Variants in PRKG1 observed in about 807,000 individuals in gnomAD.
PRKG1 encodes the protein cGMP-dependent protein kinase 1.
PRKG1 carries 35 observed loss-of-function variants against 88.1 expected under a neutral mutation model. The ratio of observed to expected loss-of-function variants is 0.40; its 90% CI spans 0.30 to 0.53. The LOEUF (loss-of-function observed/expected upper bound fraction) is 0.53, where lower values mean the gene tolerates loss of function less well. Ranked by LOEUF, PRKG1 falls within the 20% of genes least tolerant of loss-of-function variation. The pLI, the probability that PRKG1 is intolerant of heterozygous loss-of-function variation, is 0.59. For missense variants in PRKG1, 540 were observed against 839.8 expected (o/e 0.64, Z 4.41); for synonymous variants, 303 against 292.5 (o/e 1.04, Z -0.37).
chr10:52,109,154 A>G (rs887437607), intron 7 of PRKG1, among the ~76,000 whole-genome samples: 5 of 152,112 alleles, frequency 3.3e-5, no homozygotes, highest in African/African-American at 1.2e-4. Flanking sequence ...GCATCACCTT[A>G]TACTCTGAAA....
At chr10:51,384,631 T>C (rs2132635263) in intron 2 of PRKG1, among the ~76,000 whole-genome samples, 1 of 152,298 alleles carries the variant, frequency 6.6e-6, no homozygotes, top group African/African-American at 2.4e-5. Context: ...ATTTTTATCG[T>C]GAATCCCTCC....
At chr10:51,415,969 G>A (rs530844799) in intron 2 of PRKG1, among the ~76,000 whole-genome samples, 9 of 150,974 alleles carry the variant, frequency 6.0e-5, no homozygotes, top group African/African-American at 1.7e-4. Context: ...GTGTACACAC[G>A]CACACATATA....
chr10:51,700,354 A>T (rs1841433986), intron 3 of PRKG1, among the ~76,000 whole-genome samples: 1 of 152,198 alleles, frequency 6.6e-6, no homozygotes, highest in Non-Finnish European at 1.5e-5. Flanking sequence ...TTCAATATTA[A>T]TTGGTGATTA....
chr10:51,617,882 C>G (rs544242415), intron 3 of PRKG1, among the ~76,000 whole-genome samples: 5 of 152,204 alleles, frequency 3.3e-5, no homozygotes, highest in African/African-American at 9.6e-5. Flanking sequence ...GGCAAAGCAT[C>G]CAGCTAAAAT....
At chr10:51,608,687 C>T (rs1490024848) in intron 3 of PRKG1, among the ~76,000 whole-genome samples, 1 of 152,034 alleles carries the variant, frequency 6.6e-6, no homozygotes, top group Admixed American at 6.6e-5. Context: ...CAAAATGCAA[C>T]CTAATTAATG....
At chr10:51,843,116 T>TTTTTTTTTTA (rs1840319813) in intron 4 of PRKG1, among the ~76,000 whole-genome samples, 4 of 146,156 alleles carry the variant, frequency 2.7e-5, no homozygotes, top group Non-Finnish European at 4.5e-5. Flanking sequence ...TTTTTTTTTT[T>TTTTTTTTTTA]GAGACGGAGT....
chr10:52,047,845 A>G (rs1845899881), intron 5 of PRKG1, among the ~76,000 whole-genome samples: 2 of 152,118 alleles, frequency 1.3e-5, no homozygotes, highest in South Asian at 2.1e-4. Flanking sequence ...CTTCATCTTA[A>G]TATAGGACTC....
chr10:52,293,316 C>T (rs1043604396), intron 17 of PRKG1, among the ~76,000 whole-genome samples: 5 of 151,304 alleles, frequency 3.3e-5, no homozygotes, highest in East Asian at 1.9e-4. Flanking sequence ...GAATCAATAT[C>T]GTGAAAATGG....
chr10:51,875,533 A>G (rs1841274666), intron 4 of PRKG1, among the ~76,000 whole-genome samples: 1 of 152,080 alleles, frequency 6.6e-6, no homozygotes, highest in Non-Finnish European at 1.5e-5. Flanking sequence ...TCAGCCTCCC[A>G]AGTAGCTGAG....
At chr10:52,016,734 G>T (rs1845049910) in intron 5 of PRKG1, among the ~76,000 whole-genome samples, 1 of 152,128 alleles carries the variant, frequency 6.6e-6, no homozygotes, top group Non-Finnish European at 1.5e-5. Context: ...AAAAAAGAGA[G>T]TCCTTGATTT....
intron 3 of PRKG1, among the ~76,000 whole-genome samples, chr10:51,709,687 TAGTGGTCTGGAGTTTGCTGCCA>T (rs151261179): frequency 0.076 from 11,560 of 152,176 alleles, 477 homozygotes; most frequent in East Asian, 0.085. Flanking sequence ...TCTGCCCATG[TAGTGGTCTGGAGTTTGCTGCCA>T]AGTGGTCTGG....
intron 3 of PRKG1, among the ~76,000 whole-genome samples, chr10:51,563,766 A>G (rs1837530436): frequency 6.6e-6 from 1 of 152,182 alleles, no homozygotes; most frequent in Non-Finnish European, 1.5e-5. Flanking sequence ...AGAAGAACCC[A>G]AACAAATACT....
At chr10:51,038,699 G>A (rs1344237372) in intron 1 of PRKG1, among the ~76,000 whole-genome samples, 2 of 152,130 alleles carry the variant, frequency 1.3e-5, no homozygotes, top group Admixed American at 1.3e-4. Flanking sequence ...TTCACTGTTT[G>A]TATATACCAC....
chr10:51,867,899 C>G (rs1841055431), intron 4 of PRKG1, among the ~76,000 whole-genome samples: 2 of 152,132 alleles, frequency 1.3e-5, no homozygotes, highest in South Asian at 4.1e-4. Flanking sequence ...AATTTAGTTA[C>G]ATTTTATTTA....
intron 5 of PRKG1, among the ~76,000 whole-genome samples, chr10:52,039,580 T>A (rs1423832553): frequency 6.6e-6 from 1 of 152,132 alleles, no homozygotes; most frequent in Non-Finnish European, 1.5e-5. Context: ...ATTGAAATGC[T>A]ACTGTACCAG....
intron 8 of PRKG1, among the ~76,000 whole-genome samples, chr10:52,149,433 C>T (rs1384106124): frequency 6.6e-6 from 1 of 151,994 alleles, no homozygotes; most frequent in Non-Finnish European, 1.5e-5. Context: ...TGTTGAAGTT[C>T]TAACCCCCAA....
chr10:51,093,243 G>A (rs187665181), intron 1 of PRKG1, among the ~76,000 whole-genome samples: 56 of 152,264 alleles, frequency 3.7e-4, no homozygotes, highest in African/African-American at 1.3e-3. Flanking sequence ...CTGGGCTAGG[G>A]CTAGCAATCT....
chr10:51,827,268 A>G (rs1839901629), intron 4 of PRKG1, among the ~76,000 whole-genome samples: 1 of 152,168 alleles, frequency 6.6e-6, no homozygotes, highest in Non-Finnish European at 1.5e-5. Context: ...AATTATGAAA[A>G]AGGTTTGAAA....
intron 5 of PRKG1, among the ~76,000 whole-genome samples, chr10:51,950,177 A>G (rs1337104689): frequency 6.6e-6 from 1 of 152,228 alleles, no homozygotes; most frequent in East Asian, 1.9e-4. Flanking sequence ...TTTTATTCAC[A>G]AAATCATAGC....
Sources: gnomAD v4.1 joint callset for allele counts (sites outside exome capture counted in the v4.1 genomes callset) on GRCh38, gnomAD v4.1.1 for gene constraint, MANE v1.5 for transcripts, NCBI Gene and HGNC (gene_info 2026-07-23, HGNC 2026-07-21) for gene names.